The following PSTPIP2 variants were observed in gnomAD, a reference collection of about 807,000 sequenced individuals.
PSTPIP2 encodes proline-serine-threonine phosphatase interacting protein 2.
In PSTPIP2, 33 loss-of-function variants were observed where a neutral mutation model predicts 63.3. That is an observed-to-expected ratio of 0.52 (90% CI 0.40 to 0.70). The LOEUF is 0.70. Ranked by LOEUF, PSTPIP2 falls within the 30% of genes least tolerant of loss-of-function variation. The probability of loss-of-function intolerance (pLI) is 0.00; values close to 1 mark genes in which losing one functional copy is unlikely to be tolerated. For synonymous variants in PSTPIP2, 125 were observed against 132.7 expected, an observed-to-expected ratio of 0.94 and a Z score of 0.40; for missense variants, 312 against 400.7, an observed-to-expected ratio of 0.78 and a Z score of 1.89.
chr18:46,045,607 C>T (rs1299025621), intron 1 of PSTPIP2, among the ~76,000 whole-genome samples: 1 of 152,024 alleles, frequency 6.6e-6, no homozygotes, highest in Non-Finnish European at 1.5e-5. Flanking sequence ...CACATGTATA[C>T]ATATGTAACT....
intron 1 of PSTPIP2, among the ~76,000 whole-genome samples, chr18:46,062,478 T>TAAAAAGAAAAAG (rs11270755): frequency 0.022 from 3,338 of 149,852 alleles, 97 homozygotes; most frequent in African/African-American, 0.059. Flanking sequence ...CCATCTCTAC[T>TAAAAAGAAAAAG]AAAAAGAAAA....
chr18:45,986,759 T>C (rs564750118), intron 14 of PSTPIP2, among the ~76,000 whole-genome samples: 1 of 152,252 alleles, frequency 6.6e-6, no homozygotes, highest in Non-Finnish European at 1.5e-5. Context: ...ATATATTTTA[T>C]AGCAAAGTTG....
chr18:46,069,065 A>G (rs544874395), intron 1 of PSTPIP2, among the ~76,000 whole-genome samples: 1 of 152,268 alleles, frequency 6.6e-6, no homozygotes, highest in East Asian at 1.9e-4. Flanking sequence ...GAACCTTGGG[A>G]ATCAGGAAGG....
At chr18:45,997,556 A>C (rs2051609856) in intron 9 of PSTPIP2, among the ~76,000 whole-genome samples, 193 bp downstream of exon 9, 1 of 151,080 alleles carries the variant, frequency 6.6e-6, no homozygotes, top group Non-Finnish European at 1.5e-5. Context: ...TCATTTCTAC[A>C]AAAGTAGACT....
rs112879023 is a variant in PSTPIP2 at position 45,985,221 on chromosome 18, C to A, written c.*238G>T. On this transcript the variant is annotated 3_prime_UTR_variant, in exon 15 of 15. Transcript: ENST00000409746. ...CCTAATTCATTCATAACCTGAGTAACTGGGAAAGAATAATTCTTCAGAATG... is the reference window on the plus strand; with the variant it reads ...CCTAATTCATTCATAACCTGAGTAAATGGGAAAGAATAATTCTTCAGAATG... 1.1e-3 allele frequency: 604 copies of A among 552,542 alleles called. 7 individuals carry two copies. The highest frequency in any genetic ancestry group is 7.7e-3 in the Middle Eastern group (22 of 2,846). The allele number at this position is 552,542 out of a possible 1,614,324, so 34.2% of individuals were successfully genotyped here.
At chr18:46,011,000 C>A in intron 5 of PSTPIP2, 181 bp downstream of exon 5, 1 of 570,112 alleles carries the variant, frequency 1.8e-6, no homozygotes, top group Non-Finnish European at 3.2e-6. Context: ...GACAACTGGC[C>A]TGGGGTGTAG....
At chr18:45,992,727 AT>A (rs1443170863) in intron 10 of PSTPIP2, among the ~76,000 whole-genome samples, 1,983 of 150,046 alleles carry the variant, frequency 0.013, 42 homozygotes, top group African/African-American at 0.045. Context: ...TTATTTTATT[AT>A]TTTTTTTTAG....
At chr18:46,029,161 T>G (rs1907698533) in intron 2 of PSTPIP2, 1 of 946,484 alleles carries the variant, frequency 1.1e-6, no homozygotes. Flanking sequence ...CACAGCAAGG[T>G]TTTTTATGTC....
chr18:46,010,357 G>A (rs918850357), intron 5 of PSTPIP2, among the ~76,000 whole-genome samples: 3 of 152,190 alleles, frequency 2.0e-5, no homozygotes, highest in Non-Finnish European at 4.4e-5. Flanking sequence ...GAGCTGTGCC[G>A]GGAGACCTGG....
chr18:45,996,091 C>T (rs1229297254), intron 9 of PSTPIP2, among the ~76,000 whole-genome samples: 1 of 152,206 alleles, frequency 6.6e-6, no homozygotes, highest in Non-Finnish European at 1.5e-5. Flanking sequence ...GCTGGGATTA[C>T]AGGCATTAGC....
chr18:46,024,584 A>C (rs774178793), intron 3 of PSTPIP2, 25 bp downstream of exon 3: 1 of 1,597,692 alleles, frequency 6.3e-7, no homozygotes, highest in South Asian at 1.1e-5. Context: ...CCAACCTGGA[A>C]ACCAGAAAAA....
Position 45,984,072 on chromosome 18 carries a change from CGG to C in PSTPIP2, c.*1385_*1386del, listed in dbSNP as rs1482133413. On this transcript the variant is annotated 3_prime_UTR_variant, in exon 15 of 15. Coordinates refer to ENST00000409746, the MANE Select transcript of PSTPIP2 (RefSeq NM_024430.4). ...CTGAGGCAGGAGAATCACTTGAACCCGGGAGGCAGAGGTTGCAGTGAGCTGAG... is the reference window on the plus strand; with the variant it reads ...CTGAGGCAGGAGAATCACTTGAACCCGAGGCAGAGGTTGCAGTGAGCTGAG... 6.6e-6 allele frequency: 1 copy of C among 151,998 alleles called. No individual in the cohort carries two copies. The highest frequency in any genetic ancestry group is 1.5e-5 in the Non-Finnish European group (1 of 68,034). The allele number at this position is 151,998 out of a possible 1,614,324, so 9.4% of individuals were successfully genotyped here.
intron 2 of PSTPIP2, chr18:46,029,664 G>T (rs746006511): frequency 2.8e-6 from 2 of 724,770 alleles, no homozygotes; most frequent in African/African-American, 1.8e-5. Context: ...CAGAAATATT[G>T]GCAATTGCTT....
At chr18:46,029,417 G>A (rs946926442) in intron 2 of PSTPIP2, 16 of 1,472,714 alleles carry the variant, frequency 1.1e-5, no homozygotes, top group Admixed American at 1.7e-5. Flanking sequence ...CGGGGATGGA[G>A]AAGTTTATGT....
chr18:46,072,259 C>G lies in PSTPIP2; in HGVS notation c.-71G>C, dbSNP rs1909424534. On this transcript the variant is annotated 5_prime_UTR_variant, in exon 1 of 15. Coordinates refer to ENST00000409746, the MANE Select transcript of PSTPIP2 (RefSeq NM_024430.4). ...ACAGAGCGGGGAGGCCTGACTGCCA[C>G]TGCCCGCGGCTCCGCAGACTCAACT... is the stretch of plus-strand genomic sequence containing the variant. 4 of 1,498,984 alleles carry G rather than the reference C, an allele frequency of 2.7e-6. No homozygotes were observed. The highest frequency in any genetic ancestry group is 3.6e-6 in the Non-Finnish European group (4 of 1,118,906). 92.9% of individuals were successfully genotyped at this position (1,498,984 alleles called of 1,614,324 possible).
chr18:46,029,014 G>C (rs768466229), intron 2 of PSTPIP2: 1 of 831,154 alleles, frequency 1.2e-6, no homozygotes, highest in Admixed American at 1.7e-5. Flanking sequence ...GATGGTCGCT[G>C]GATTAGATAA....
intron 2 of PSTPIP2, among the ~76,000 whole-genome samples, chr18:46,026,387 C>T (rs1391427863): frequency 2.0e-5 from 3 of 152,152 alleles, no homozygotes; most frequent in Non-Finnish European, 4.4e-5. Flanking sequence ...AAGTTATCAT[C>T]CAACTTTTTA....
At chr18:45,990,511 C>T (rs2051517019) in intron 13 of PSTPIP2, among the ~76,000 whole-genome samples, 1 of 152,042 alleles carries the variant, frequency 6.6e-6, no homozygotes, top group Non-Finnish European at 1.5e-5. Flanking sequence ...CTCACTGCAT[C>T]CTCCACCTCC....
At chr18:46,002,175 C>T (rs948783358) in intron 6 of PSTPIP2, among the ~76,000 whole-genome samples, 2 of 151,930 alleles carry the variant, frequency 1.3e-5, no homozygotes, top group Admixed American at 6.6e-5. Flanking sequence ...TTCAGAAGTT[C>T]GATTATATGT....
Sources: gnomAD v4.1 joint callset for allele counts (sites outside exome capture counted in the v4.1 genomes callset) on GRCh38, gnomAD v4.1.1 for gene constraint, MANE v1.5 for transcripts, NCBI Gene and HGNC (gene_info 2026-07-23, HGNC 2026-07-21) for gene names.